The following VMP1 variants were observed in gnomAD, a reference collection of about 807,000 sequenced individuals.
VMP1 encodes the protein vacuole membrane protein 1, also known as ectopic P-granules autophagy protein 3 homolog.
A neutral mutation model predicts 56.0 loss-of-function variants in VMP1; 11 were observed. That is an observed-to-expected ratio of 0.20 (90% CI 0.12 to 0.32). VMP1 has a LOEUF of 0.32. VMP1 is among the 10% of genes least tolerant of loss of function. The probability of loss-of-function intolerance (pLI) is 1.00; values close to 1 mark genes in which losing one functional copy is unlikely to be tolerated. For missense variants in VMP1, 296 were observed against 490.3 expected (o/e 0.60, Z 3.74); for synonymous variants, 149 against 165.0 (o/e 0.90, Z 0.74).
At chr17:59,809,003 C>CTT (rs532671984) in intron 8 of VMP1, 127 bp downstream of exon 8, 616 of 591,210 alleles carry the variant, frequency 1.0e-3, no homozygotes, top group East Asian at 1.2e-3. Context: ...AATCATTCAC[C>CTT]TTTTTTTTTT....
At chr17:59,809,003 C>A in intron 8 of VMP1, 127 bp downstream of exon 8, 2 of 593,720 alleles carry the variant, frequency 3.4e-6, no homozygotes, top group Non-Finnish European at 5.3e-6. Flanking sequence ...AATCATTCAC[C>A]TTTTTTTTTT....
intron 7 of VMP1, among the ~76,000 whole-genome samples, chr17:59,792,376 C>A (rs1356287185): frequency 6.6e-6 from 1 of 152,114 alleles, no homozygotes; most frequent in Non-Finnish European, 1.5e-5. Context: ...TGTTTTCAGT[C>A]TCTTAAGTTT....
At chr17:59,826,618 C>A (rs1332299316) in intron 10 of VMP1, among the ~76,000 whole-genome samples, 4 of 152,162 alleles carry the variant, frequency 2.6e-5, no homozygotes, top group Non-Finnish European at 4.4e-5. Flanking sequence ...AGTAAGCACC[C>A]ACTGTGCCAG....
intron 1 of VMP1, among the ~76,000 whole-genome samples, chr17:59,721,378 C>G (rs148396611): frequency 6.6e-6 from 1 of 152,126 alleles, no homozygotes; most frequent in Admixed American, 6.6e-5. Flanking sequence ...GGATATTTTA[C>G]AAATATGCAC....
chr17:59,750,186 A>G (rs1460020354), intron 5 of VMP1, among the ~76,000 whole-genome samples: 3 of 152,212 alleles, frequency 2.0e-5, no homozygotes, highest in South Asian at 2.1e-4. Flanking sequence ...AAATATTAGT[A>G]AATCGTTTTA....
chr17:59,740,629 G>C (rs1463435239), intron 5 of VMP1, among the ~76,000 whole-genome samples: 2 of 152,170 alleles, frequency 1.3e-5, no homozygotes, highest in East Asian at 1.9e-4. Flanking sequence ...GTTCATGTTT[G>C]CTTGGTGATT....
At chr17:59,743,600 T>TTATATATATGC (rs1158918472) in intron 5 of VMP1, among the ~76,000 whole-genome samples, 1 of 149,414 alleles carries the variant, frequency 6.7e-6, no homozygotes, top group Non-Finnish European at 1.5e-5. Context: ...ATATGCTATA[T>TTATATATATGC]TATATATATG....
intron 1 of VMP1, among the ~76,000 whole-genome samples, chr17:59,713,219 G>A (rs2033996707): frequency 6.6e-6 from 1 of 151,620 alleles, no homozygotes; most frequent in African/African-American, 2.4e-5. Flanking sequence ...TATGGACACA[G>A]GAGGGGGGAC....
At chr17:59,781,341 C>T (rs2036815939) in intron 7 of VMP1, among the ~76,000 whole-genome samples, 1 of 152,146 alleles carries the variant, frequency 6.6e-6, no homozygotes, top group Non-Finnish European at 1.5e-5. Flanking sequence ...TGAAAGCTCA[C>T]ACACCTTCTC....
intron 10 of VMP1, among the ~76,000 whole-genome samples, chr17:59,821,541 T>C (rs963760171): frequency 1.6e-3 from 16 of 10,260 alleles, no homozygotes; most frequent in African/African-American, 4.1e-3. Context: ...CTACTTTTCT[T>C]TTTTTTTTTT....
At chr17:59,734,383 C>T (rs1040125377) in intron 2 of VMP1, among the ~76,000 whole-genome samples, 1 of 152,100 alleles carries the variant, frequency 6.6e-6, no homozygotes, top group African/African-American at 2.4e-5. Context: ...AGGTCTTAGG[C>T]TGGATGGAGC....
At chr17:59,834,605 A>G (rs1465833705) in intron 10 of VMP1, among the ~76,000 whole-genome samples, 1 of 141,884 alleles carries the variant, frequency 7.0e-6, no homozygotes, top group Non-Finnish European at 1.5e-5. Flanking sequence ...GATTACAGAC[A>G]CCTGCCACCA....
intron 10 of VMP1, among the ~76,000 whole-genome samples, chr17:59,830,407 T>G (rs1292063): frequency 6.6e-6 from 1 of 151,366 alleles, no homozygotes; most frequent in Non-Finnish European, 1.5e-5. Context: ...TCCTGAAAAA[T>G]TTTTTTTTTC....
chr17:59,780,001 A>G (rs1164669139), intron 7 of VMP1, among the ~76,000 whole-genome samples: 1 of 152,108 alleles, frequency 6.6e-6, no homozygotes, highest in African/African-American at 2.4e-5. Flanking sequence ...GTCTTTATCT[A>G]TCTACTGTTG....
intron 10 of VMP1, among the ~76,000 whole-genome samples, chr17:59,827,171 T>G (rs2144304298): frequency 6.6e-6 from 1 of 152,258 alleles, no homozygotes; most frequent in Non-Finnish European, 1.5e-5. Flanking sequence ...TTTTTTCTTT[T>G]TTGAGACAGG....
At chr17:59,822,220 C>CA (rs991082088) in intron 10 of VMP1, among the ~76,000 whole-genome samples, 38 of 152,040 alleles carry the variant, frequency 2.5e-4, no homozygotes, top group African/African-American at 8.7e-4. Flanking sequence ...TATCAGATCC[C>CA]AAAGGGTATC....
chr17:59,821,539 C>CTTTT (rs530907168), intron 10 of VMP1, among the ~76,000 whole-genome samples: 25 of 104,688 alleles, frequency 2.4e-4, no homozygotes, highest in African/African-American at 8.0e-4. Flanking sequence ...AGCTACTTTT[C>CTTTT]TTTTTTTTTT....
rs369304369 is a variant in VMP1 at position 59,822,491 on chromosome 17, G to C, written c.974+4718G>C. On this transcript the variant is annotated intron_variant, in intron 10 of 11. Transcript: ENST00000262291. ...TTACAGGTGTGCACCACCACACCTGGCTAATTTTTGTATTTTTAGTAGAGA... is the reference window on the plus strand; with the variant it reads ...TTACAGGTGTGCACCACCACACCTGCCTAATTTTTGTATTTTTAGTAGAGA... Among the ~76,000 whole-genome samples, 414 of 151,884 alleles carry C rather than the reference G, an allele frequency of 2.7e-3. 2 individuals are homozygous for C. The highest frequency in any genetic ancestry group is 9.6e-3 in the African/African-American group (398 of 41,446).
intron 7 of VMP1, among the ~76,000 whole-genome samples, chr17:59,794,995 CT>C (rs59397471): frequency 2.4e-4 from 29 of 121,200 alleles, no homozygotes; most frequent in Admixed American, 2.8e-4. Context: ...CAGATTTGAT[CT>C]TTTTTTTTTT....
Sources: allele counts gnomAD v4.1 joint callset (sites outside exome capture counted in the v4.1 genomes callset), GRCh38; gene constraint gnomAD v4.1.1; transcripts MANE v1.5; gene names NCBI Gene and HGNC (gene_info 2026-07-23, HGNC 2026-07-21).